Variants in LIPA observed in about 807,000 individuals in gnomAD.
LIPA encodes lipase A, lysosomal acid type, also known as lysosomal acid lipase/cholesteryl ester hydrolase.
LIPA carries 26 observed loss-of-function variants against 40.6 expected under a neutral mutation model. The observed-to-expected ratio is 0.64, with a 90% CI of 0.47 to 0.89. The LOEUF (loss-of-function observed/expected upper bound fraction) is 0.89, where lower values mean the gene tolerates loss of function less well. Among genes scored for constraint, LIPA ranks in the 40% least tolerant of loss-of-function variants. LIPA has a pLI of 0.00. For missense variants in LIPA, 455 were observed against 479.6 expected (o/e 0.95, Z 0.48); for synonymous variants, 188 against 168.4 (o/e 1.12, Z -0.90).
intron 2 of LIPA, among the ~76,000 whole-genome samples, chr10:89,390,251 G>C (rs1340922882): frequency 6.6e-6 from 1 of 152,050 alleles, no homozygotes; most frequent in African/African-American, 2.4e-5. Context: ...CTCCCAAAAT[G>C]CTGGGATTAC....
At chr10:89,345,179 G>C (rs1843908851), upstream of LIPA, among the ~76,000 whole-genome samples, 1 of 149,624 alleles carries the variant, frequency 6.7e-6, no homozygotes, top group Non-Finnish European at 1.5e-5. Flanking sequence ...AAAAAAAAAA[G>C]AATGTATTAG....
intron 1 of LIPA, among the ~76,000 whole-genome samples, chr10:89,287,074 A>G (rs1326576105): frequency 5.3e-5 from 8 of 152,208 alleles, no homozygotes; most frequent in Non-Finnish European, 1.0e-4. Flanking sequence ...CAGACTGTCC[A>G]GCTCACCTGG....
intron 1 of LIPA, among the ~76,000 whole-genome samples, chr10:89,318,077 T>C (rs1284485744): frequency 1.3e-5 from 2 of 151,948 alleles, no homozygotes; most frequent in Non-Finnish European, 2.9e-5. Flanking sequence ...GCACTAAACA[T>C]GGAAAGGAAC....
chr10:89,366,856 C>T (rs1844060315), intron 2 of LIPA, among the ~76,000 whole-genome samples: 2 of 152,148 alleles, frequency 1.3e-5, no homozygotes, highest in South Asian at 4.1e-4. Context: ...AATCATGCTG[C>T]TATAAAGACA....
At chr10:89,248,421 AATTATT>A (rs199819768) in intron 1 of LIPA, among the ~76,000 whole-genome samples, 10 of 100,066 alleles carry the variant, frequency 1.0e-4, no homozygotes, top group African/African-American at 3.7e-4. Context: ...CTCCCAAAGG[AATTATT>A]ATTATTATTA....
intron 1 of LIPA, among the ~76,000 whole-genome samples, chr10:89,311,902 A>G (rs949618458): frequency 3.3e-5 from 5 of 152,232 alleles, no homozygotes; most frequent in Non-Finnish European, 7.3e-5. Flanking sequence ...TAGATCACAG[A>G]AAAATAAAAT....
chr10:89,334,212 G>T (rs1324438655), intron 1 of LIPA, among the ~76,000 whole-genome samples: 1 of 152,222 alleles, frequency 6.6e-6, no homozygotes, highest in Non-Finnish European at 1.5e-5. Flanking sequence ...GGGCAAGACA[G>T]GTGGTCATGA....
At position 89,223,669 on chromosome 10, in the gene LIPA, T is replaced by C; in HGVS notation, c.822+15A>G. The C allele has an allele frequency of 1.3e-6, 2 of 1,591,202 alleles. No individual in the cohort carries two copies. The highest frequency in any genetic ancestry group is 1.7e-6 in the Non-Finnish European group (2 of 1,159,546). On this transcript the variant is annotated intron_variant, in intron 7 of 9. Transcript: ENST00000336233. ...GATAAAAAAAAAAATCAAATCTTAC[T>C]ATAAACATGCATACCATATTTAAAT... is the stretch of plus-strand genomic sequence containing the variant.
chr10:89,329,756 G>GTAGT (rs1843631770), intron 1 of LIPA, among the ~76,000 whole-genome samples: 2 of 152,158 alleles, frequency 1.3e-5, no homozygotes, highest in African/African-American at 4.8e-5. Context: ...TTTGTGATCT[G>GTAGT]TAGTTAGTGG....
At chr10:89,392,884 C>T (rs1329435892) in intron 2 of LIPA, among the ~76,000 whole-genome samples, 1 of 152,170 alleles carries the variant, frequency 6.6e-6, no homozygotes, top group African/African-American at 2.4e-5. Context: ...TGCACGTTCA[C>T]ACATACATAA....
intron 1 of LIPA, among the ~76,000 whole-genome samples, chr10:89,266,962 C>T (rs1382796702): frequency 2.0e-5 from 3 of 152,216 alleles, no homozygotes; most frequent in South Asian, 4.1e-4. Context: ...TGTATCTAGT[C>T]TATCCAGGAC....
chr10:89,341,159 T>C (rs1185732295), intron 1 of LIPA, among the ~76,000 whole-genome samples: 3 of 152,212 alleles, frequency 2.0e-5, no homozygotes, highest in Admixed American at 2.0e-4. Flanking sequence ...ATAGGAACTA[T>C]GACTGTCTTT....
At chr10:89,295,015 TGAAATGAAAG>T (rs1289031409) in intron 1 of LIPA, among the ~76,000 whole-genome samples, 48 of 60,300 alleles carry the variant, frequency 8.0e-4, no homozygotes, top group South Asian at 4.5e-3. Context: ...GGAAAGGAAA[TGAAATGAAAG>T]GAAAGGAAAG....
chr10:89,413,441 T>C (rs1490548602), intron 1 of LIPA, among the ~76,000 whole-genome samples: 2 of 152,174 alleles, frequency 1.3e-5, no homozygotes, highest in African/African-American at 2.4e-5. Context: ...CAATGCAATA[T>C]GTTTTTAAAA....
chr10:89,307,612 T>C (rs994367366), intron 1 of LIPA: 1 of 406,254 alleles, frequency 2.5e-6, no homozygotes, highest in African/African-American at 2.0e-5. Context: ...GATAGAATTA[T>C]TTCTCGATTG....
At chr10:89,241,642 A>G (rs1302257221) in intron 3 of LIPA, among the ~76,000 whole-genome samples, 4 of 152,174 alleles carry the variant, frequency 2.6e-5, no homozygotes, top group Non-Finnish European at 4.4e-5. Flanking sequence ...TAATAGCTCA[A>G]TGGACAACCC....
rs536483989 is a variant in LIPA, at chr10:89,306,329, G to A, written c.-2+36282C>T. On this transcript the variant is annotated intron_variant, in intron 1 of 5. Coordinates refer to the LIPA transcript ENST00000282673. ...TGTAGACAAGGTGAAACATGTCTGTGAGAAGTTTTCCAGTCCCTATAGAAT... is the reference window on the plus strand; with the variant it reads ...TGTAGACAAGGTGAAACATGTCTGTAAGAAGTTTTCCAGTCCCTATAGAAT... 46 of 1,614,162 alleles carry A rather than the reference G, an allele frequency of 2.8e-5. No individual in the cohort carries two copies. The highest frequency in any genetic ancestry group is 3.9e-5 in the Non-Finnish European group (46 of 1,180,002).
chr10:89,226,430 ATCTTCTGT>A (rs749915338), intron 5 of LIPA, among the ~76,000 whole-genome samples: 14 of 152,216 alleles, frequency 9.2e-5, no homozygotes, highest in Non-Finnish European at 1.9e-4. Context: ...ATTTTGCTAA[ATCTTCTGT>A]TCTTCTGTTT....
At chr10:89,284,197 T>C (rs554689493) in intron 1 of LIPA, 1 of 152,346 alleles carries the variant, frequency 6.6e-6, no homozygotes, top group East Asian at 1.9e-4. Context: ...TTTCATTCTG[T>C]CCTTGCAGGC....
Sources: allele counts gnomAD v4.1 joint callset (sites outside exome capture counted in the v4.1 genomes callset), GRCh38; gene constraint gnomAD v4.1.1; transcripts MANE v1.5; gene names NCBI Gene and HGNC (gene_info 2026-07-23, HGNC 2026-07-21).